NALF1: variants seen among roughly 807,000 people sequenced by gnomAD.
The protein encoded by NALF1 is family with sequence similarity 155 member A.
Under a neutral mutation model 48.4 loss-of-function variants are expected in NALF1, and 3 were observed. The ratio of observed to expected loss-of-function variants is 0.06; its 90% CI spans 0.03 to 0.16. The LOEUF (loss-of-function observed/expected upper bound fraction) is 0.16, where lower values mean the gene tolerates loss of function less well. NALF1 is among the 10% of genes least tolerant of loss of function. NALF1 has a pLI of 1.00. For missense variants in NALF1, 526 were observed against 571.5 expected, an observed-to-expected ratio of 0.92 and a Z score of 0.81; for synonymous variants, 262 against 245.7, an observed-to-expected ratio of 1.07 and a Z score of -0.62.
At chr13:107,550,020 G>A (rs866435480) in intron 1 of NALF1, among the ~76,000 whole-genome samples, 8 of 151,948 alleles carry the variant, frequency 5.3e-5, no homozygotes, top group African/African-American at 1.9e-4. Context: ...CTTTGCATTT[G>A]TCTGATGTTT....
chr13:107,443,169 A>AATCTATCTATCT (rs10564280), intron 1 of NALF1, among the ~76,000 whole-genome samples: 55 of 128,428 alleles, frequency 4.3e-4, no homozygotes, highest in South Asian at 1.5e-3. Flanking sequence ...TTTATCTAAC[A>AATCTATCTATCT]ATCTATCTAT....
At chr13:107,746,145 A>G (rs945992300) in intron 1 of NALF1, among the ~76,000 whole-genome samples, 2 of 152,148 alleles carry the variant, frequency 1.3e-5, no homozygotes, top group Non-Finnish European at 1.5e-5. Context: ...TTGTTAATTT[A>G]TGTATTGTTT....
At chr13:107,253,173 C>T (rs1374398881) in intron 1 of NALF1, among the ~76,000 whole-genome samples, 1 of 146,540 alleles carries the variant, frequency 6.8e-6, no homozygotes, top group African/African-American at 2.5e-5. Context: ...GGACTTCTTT[C>T]TTTTTTTTTT....
At chr13:107,219,387 T>C (rs1594075848) in intron 1 of NALF1, among the ~76,000 whole-genome samples, 1 of 152,198 alleles carries the variant, frequency 6.6e-6, no homozygotes, top group Non-Finnish European at 1.5e-5. Flanking sequence ...CACTTCAATA[T>C]AAATTCAATT....
At chr13:107,295,496 G>A (rs1356828494) in intron 1 of NALF1, among the ~76,000 whole-genome samples, 1 of 152,126 alleles carries the variant, frequency 6.6e-6, no homozygotes, top group African/African-American at 2.4e-5. Context: ...GTGTCTCTCA[G>A]GTGCCTCCCC....
At position 107,867,322 on chromosome 13, in the gene NALF1, C is replaced by A. The variant is rs1248823685; in HGVS notation, c.-726G>T. On this transcript the variant is annotated 5_prime_UTR_variant, in exon 1 of 3. Coordinates refer to ENST00000375915, the MANE Select transcript of NALF1 (RefSeq NM_001080396.3). The surrounding 1 kb of genome is among the most constrained non-coding windows in gnomAD (Gnocchi z 4.4). ...TAAGTGCTGCCGCCGCCGCCGCCGC[C>A]GCCGCCGCTGCCGCAGGGCCGCCCG... Among the ~76,000 whole-genome samples the A allele has an allele frequency of 1.5e-5, 2 of 136,168 alleles. No homozygotes were observed. Among genetic ancestry groups the A allele is most frequent in the African/African-American group, 5.2e-5 (2 of 38,112 alleles). The allele number at this position is 136,168 out of a possible 152,430, so 89.3% of individuals were successfully genotyped here.
intron 1 of NALF1, among the ~76,000 whole-genome samples, chr13:107,633,237 A>T (rs1034706254): frequency 6.6e-6 from 1 of 152,100 alleles, no homozygotes; most frequent in Non-Finnish European, 1.5e-5. Context: ...CATGTATATG[A>T]AATACATATA....
At chr13:107,557,694 G>C (rs1194303453) in intron 1 of NALF1, among the ~76,000 whole-genome samples, 1 of 152,064 alleles carries the variant, frequency 6.6e-6, no homozygotes, top group Non-Finnish European at 1.5e-5. Flanking sequence ...GGAACACTCA[G>C]ACCCAGAAAG....
chr13:107,411,667 C>T (rs1041114650), intron 1 of NALF1, among the ~76,000 whole-genome samples: 3 of 152,128 alleles, frequency 2.0e-5, no homozygotes, highest in Admixed American at 6.6e-5. Flanking sequence ...CCAAGTCTGA[C>T]GTGTGTCACT....
intron 1 of NALF1, among the ~76,000 whole-genome samples, chr13:107,798,113 C>T (rs1457106495): frequency 1.3e-5 from 2 of 152,208 alleles, no homozygotes; most frequent in Admixed American, 1.3e-4. Context: ...TAATTTTCCC[C>T]ATGATTTAGG....
chr13:107,171,294 A>T (rs1342924927), intron 2 of NALF1, among the ~76,000 whole-genome samples: 1 of 152,228 alleles, frequency 6.6e-6, no homozygotes, highest in Non-Finnish European at 1.5e-5. Context: ...AGAATGGGCA[A>T]AACCATCTAT....
intron 1 of NALF1, among the ~76,000 whole-genome samples, chr13:107,737,143 T>C (rs1876490396): frequency 6.6e-6 from 1 of 152,218 alleles, no homozygotes; most frequent in African/African-American, 2.4e-5. Context: ...TATTAATAGC[T>C]GCATGAGTAT....
chr13:107,728,428 A>G (rs1187377657), intron 1 of NALF1, among the ~76,000 whole-genome samples: 9 of 152,294 alleles, frequency 5.9e-5, no homozygotes, highest in African/African-American at 2.2e-4. Flanking sequence ...AAACTAACAC[A>G]GGAACAGAAA....
intron 1 of NALF1, among the ~76,000 whole-genome samples, chr13:107,849,116 G>C (rs1203540282): frequency 6.6e-6 from 1 of 152,136 alleles, no homozygotes; most frequent in East Asian, 1.9e-4. Context: ...AGAGCATAAT[G>C]ATGACCATTA....
intron 1 of NALF1, among the ~76,000 whole-genome samples, chr13:107,619,167 A>C (rs1392221835): frequency 6.6e-6 from 1 of 152,222 alleles, no homozygotes; most frequent in East Asian, 1.9e-4. Flanking sequence ...TGAACACCTT[A>C]CCAGGGAGGT....
chr13:107,631,956 ACTC>A (rs1266335082), intron 1 of NALF1, among the ~76,000 whole-genome samples: 2 of 151,662 alleles, frequency 1.3e-5, no homozygotes, highest in Non-Finnish European at 2.9e-5. Flanking sequence ...AAAGATAAAA[ACTC>A]CTACAGGTTT....
chr13:107,848,716 T>C (rs1265905327), intron 1 of NALF1, among the ~76,000 whole-genome samples: 1 of 152,160 alleles, frequency 6.6e-6, no homozygotes, highest in Non-Finnish European at 1.5e-5. Context: ...CCATAGGCAA[T>C]TACCTTTTGG....
chr13:107,821,704 A>G (rs1489144413), intron 1 of NALF1, among the ~76,000 whole-genome samples: 1 of 152,234 alleles, frequency 6.6e-6, no homozygotes, highest in South Asian at 2.1e-4. Flanking sequence ...ATGAGATCCA[A>G]TGACAGAAAG....
At chr13:107,270,065 T>C (rs981556041) in intron 1 of NALF1, among the ~76,000 whole-genome samples, 5 of 151,842 alleles carry the variant, frequency 3.3e-5, no homozygotes, top group Admixed American at 6.6e-5. Flanking sequence ...CCACCGCGCC[T>C]GGCCAGAAAT....
Sources: allele counts gnomAD v4.1 joint callset (sites outside exome capture counted in the v4.1 genomes callset), GRCh38; gene constraint gnomAD v4.1.1; non-coding constraint Gnocchi (gnomAD v3.1); transcripts MANE v1.5; gene names NCBI Gene and HGNC (gene_info 2026-07-23, HGNC 2026-07-21).